Variants in DSCAM observed in about 807,000 individuals in gnomAD.
DSCAM encodes cell adhesion molecule DSCAM.
DSCAM carries 47 observed loss-of-function variants against 217.7 expected under a neutral mutation model. The observed-to-expected ratio is 0.22, with a 90% CI of 0.17 to 0.28. The LOEUF (loss-of-function observed/expected upper bound fraction) is 0.28. Among genes scored for constraint, DSCAM ranks in the 10% least tolerant of loss-of-function variants. The probability of loss-of-function intolerance (pLI) is 1.00; values close to 1 mark genes in which losing one functional copy is unlikely to be tolerated. For missense variants in DSCAM, 2,080 were observed against 2,618.3 expected, an observed-to-expected ratio of 0.79 and a Z score of 4.49; for synonymous variants, 1,056 against 1,015.3, an observed-to-expected ratio of 1.04 and a Z score of -0.76.
At position 40,231,588 on chromosome 21, in the gene DSCAM, T is replaced by TACCTCCTGCACTCAAGTGATCCTCC. The variant is rs573617964; in HGVS notation, c.2357-42375_2357-42351dup. ...CATGATCACGGCTCACTGTAGCCTC[T>TACCTCCTGCACTCAAGTGATCCTCC]ACCTCCTGCACTCAAGTGATCCTCC... On this transcript the variant is annotated intron_variant, in intron 11 of 32. Coordinates refer to ENST00000400454, the MANE Select transcript of DSCAM (RefSeq NM_001389.5). Among the ~76,000 whole-genome samples the TACCTCCTGCACTCAAGTGATCCTCC allele has an allele frequency of 0.013, 1,983 of 152,106 alleles. 88 individuals are homozygous for TACCTCCTGCACTCAAGTGATCCTCC. The East Asian group carries it at 0.14, about 11-fold the overall frequency.
intron 1 of DSCAM, among the ~76,000 whole-genome samples, chr21:40,800,829 C>T (rs1414035016): frequency 6.6e-6 from 1 of 151,586 alleles, no homozygotes; most frequent in African/African-American, 2.4e-5. Context: ...GATTCTCCTG[C>T]CTCAGCCTCC....
chr21:40,342,626 G>GTGTGTGTATATATATATATATATATATA, intron 6 of DSCAM, among the ~76,000 whole-genome samples: 1 of 94,718 alleles, frequency 1.1e-5, no homozygotes, highest in African/African-American at 5.0e-5. Context: ...GTGTGTGTGT[G>GTGTGTGTATATATATATATATATATATA]TATATATATA....
At chr21:40,363,831 A>C (rs559174008) in intron 4 of DSCAM, among the ~76,000 whole-genome samples, 11 of 152,206 alleles carry the variant, frequency 7.2e-5, no homozygotes, top group Non-Finnish European at 1.5e-4. Flanking sequence ...ACAAATTTAC[A>C]AGAAAAACAA....
At chr21:40,614,086 C>G (rs946404423) in intron 3 of DSCAM, among the ~76,000 whole-genome samples, 8 of 152,156 alleles carry the variant, frequency 5.3e-5, no homozygotes, top group Non-Finnish European at 1.5e-5. Flanking sequence ...CAGTCCCACC[C>G]CAGTCCCAAT....
intron 3 of DSCAM, among the ~76,000 whole-genome samples, chr21:40,404,168 A>G (rs1032274655): frequency 6.6e-6 from 1 of 152,176 alleles, no homozygotes; most frequent in Non-Finnish European, 1.5e-5. Flanking sequence ...TGCATTTAAC[A>G]ATTGCCTCAA....
chr21:40,195,027 A>C, intron 11 of DSCAM, among the ~76,000 whole-genome samples: 1 of 152,252 alleles, frequency 6.6e-6, no homozygotes, highest in South Asian at 2.1e-4. Context: ...CTGAGAAGAT[A>C]GTAAGATTAA....
At chr21:40,136,415 A>G (rs2090209707) in intron 18 of DSCAM, among the ~76,000 whole-genome samples, 1 of 152,176 alleles carries the variant, frequency 6.6e-6, no homozygotes, top group African/African-American at 2.4e-5. Context: ...CAGGAACTGG[A>G]GGCTGCAGTG....
chr21:40,523,356 G>A (rs375700363), intron 3 of DSCAM, among the ~76,000 whole-genome samples: 177 of 152,176 alleles, frequency 1.2e-3, no homozygotes, highest in African/African-American at 3.9e-3. Context: ...TAGCGGGCAC[G>A]CACACAAGCA....
In DSCAM at chr21:40,529,406, T is replaced by C. The variant is rs147774356; in HGVS notation, c.509-160161A>G. The stretch of plus-strand genomic sequence containing the variant: ...TAGTTTTACCTTTGCACAGGAATCA[T>C]ATTTGCACTATTAGCTTGTGTTTAT... On this transcript the variant is annotated intron_variant, in intron 3 of 32. Coordinates refer to ENST00000400454, the MANE Select transcript of DSCAM (RefSeq NM_001389.5). Among the ~76,000 whole-genome samples, 5 of 152,338 alleles carry C rather than the reference T, an allele frequency of 3.3e-5. No individual in the cohort carries two copies. In the East Asian group the frequency reaches 9.7e-4, roughly 29 times the overall value.
At chr21:40,749,986 G>A (rs983163176) in intron 1 of DSCAM, among the ~76,000 whole-genome samples, 12 of 151,572 alleles carry the variant, frequency 7.9e-5, no homozygotes, top group Non-Finnish European at 1.6e-4. Context: ...GGAGTGCAGT[G>A]GTGTGATCTC....
At chr21:40,433,181 AC>A (rs1914388016) in intron 3 of DSCAM, among the ~76,000 whole-genome samples, 1 of 151,632 alleles carries the variant, frequency 6.6e-6, no homozygotes, top group Non-Finnish European at 1.5e-5. Flanking sequence ...ACACGGTGAA[AC>A]CCTGTCTCTA....
intron 3 of DSCAM, among the ~76,000 whole-genome samples, chr21:40,546,115 C>A (rs576690529): frequency 6.6e-6 from 1 of 152,212 alleles, no homozygotes; most frequent in Admixed American, 6.5e-5. Context: ...TGAAACTCAG[C>A]GGGTACATTC....
chr21:40,663,206 G>A lies in DSCAM; in HGVS notation c.508+29604C>T, dbSNP rs375148612. ...GTGTATGACATATGTGCATGTGAGTGTATGTCTGTGCATGGTGTGGGGGGA... is the reference window on the plus strand; with the variant it reads ...GTGTATGACATATGTGCATGTGAGTATATGTCTGTGCATGGTGTGGGGGGA... On this transcript the variant is annotated intron_variant, in intron 3 of 32. Transcript: ENST00000400454. Among the ~76,000 whole-genome samples the A allele has an allele frequency of 1.7e-4, 25 of 144,920 alleles. No individual in the cohort carries two copies. The East Asian group carries it at 3.6e-3, about 21-fold the overall frequency.
chr21:40,479,344 G>A (rs2075963017), intron 3 of DSCAM, among the ~76,000 whole-genome samples: 2 of 152,174 alleles, frequency 1.3e-5, no homozygotes. Flanking sequence ...CGGTGCAGGG[G>A]TAACATCTGC....
intron 21 of DSCAM, among the ~76,000 whole-genome samples, 184 bp downstream of exon 21, chr21:40,093,537 G>A (rs1384067676): frequency 6.6e-6 from 1 of 152,082 alleles, no homozygotes; most frequent in Non-Finnish European, 1.5e-5. Context: ...TTACCTCCAG[G>A]GAATTACTTT....
At chr21:40,462,500 C>T (rs1259104860) in intron 3 of DSCAM, among the ~76,000 whole-genome samples, 2 of 152,194 alleles carry the variant, frequency 1.3e-5, no homozygotes, top group Non-Finnish European at 2.9e-5. Flanking sequence ...ACATTGGAAT[C>T]ACGTGGAGAT....
intron 26 of DSCAM, among the ~76,000 whole-genome samples, chr21:40,075,968 C>T (rs1484332976): frequency 6.6e-6 from 1 of 152,108 alleles, no homozygotes; most frequent in Non-Finnish European, 1.5e-5. Flanking sequence ...ACACAGGCAT[C>T]CACTTTTTAT....
chr21:40,759,099 G>A (rs116438697), intron 1 of DSCAM, among the ~76,000 whole-genome samples: 2 of 152,102 alleles, frequency 1.3e-5, no homozygotes, highest in African/African-American at 4.8e-5. Flanking sequence ...GGAGAGAAGG[G>A]TAGAGAGAAG....
chr21:40,040,058 C>T (rs1439555327), intron 32 of DSCAM, among the ~76,000 whole-genome samples: 1 of 152,042 alleles, frequency 6.6e-6, no homozygotes, highest in East Asian at 1.9e-4. Context: ...ATTTTGTGCC[C>T]AATGTTGAAT....
Sources: allele counts gnomAD v4.1 joint callset (sites outside exome capture counted in the v4.1 genomes callset), GRCh38; gene constraint gnomAD v4.1.1; transcripts MANE v1.5; gene names NCBI Gene and HGNC (gene_info 2026-07-23, HGNC 2026-07-21).